Variants in TMPRSS11B observed in about 807,000 individuals in gnomAD.
TMPRSS11B encodes transmembrane protease serine 11B.
TMPRSS11B carries 53 observed loss-of-function variants against 44.7 expected under a neutral mutation model. The ratio of observed to expected loss-of-function variants is 1.19; its 90% CI spans 0.95 to 1.49. TMPRSS11B has a LOEUF of 1.49. Among genes scored for constraint, TMPRSS11B ranks in the 40% most tolerant of loss-of-function variants. The probability of loss-of-function intolerance (pLI) is 0.00; values close to 1 mark genes in which losing one functional copy is unlikely to be tolerated. For missense variants in TMPRSS11B, 526 were observed against 494.8 expected (o/e 1.06, Z -0.60); for synonymous variants, 140 against 159.2 (o/e 0.88, Z 0.91).
chr4:68,245,491 T>G, intron 1 of TMPRSS11B, 60 bp downstream of exon 1: 2 of 1,572,536 alleles, frequency 1.3e-6, no homozygotes, highest in Admixed American at 3.3e-5. Flanking sequence ...AACTAGAACA[T>G]ACTTAATGGC....
At chr4:68,239,247 C>T (rs1560444235) in intron 2 of TMPRSS11B, among the ~76,000 whole-genome samples, 2 of 151,800 alleles carry the variant, frequency 1.3e-5, no homozygotes, top group African/African-American at 4.9e-5. Context: ...CCAGATCTCT[C>T]TTGCGCGCTC....
In TMPRSS11B at chr4:68,227,791, T is replaced by C; in HGVS notation, c.*120A>G. 1.9e-6 allele frequency: 1 copy of C among 529,730 alleles called. No individual in the cohort carries two copies. The allele number at this position is 529,730 out of a possible 1,614,324, so 32.8% of individuals were successfully genotyped here. A position where few individuals can be genotyped will look rare whatever the true frequency, so the allele number is the denominator to read the frequency against. ...ATAATAAAATATTAATAAAGACATT[T>C]ATATTTTTATATATAATAAAATGAT... On this transcript the variant is annotated 3_prime_UTR_variant, in exon 10 of 10. Coordinates refer to ENST00000332644, the MANE Select transcript of TMPRSS11B (RefSeq NM_182502.3).
At chr4:68,245,342 G>T (rs1038284973) in intron 1 of TMPRSS11B, among the ~76,000 whole-genome samples, 1 of 152,006 alleles carries the variant, frequency 6.6e-6, no homozygotes, top group African/African-American at 2.4e-5. Context: ...GCAAAATTTT[G>T]CTGAATTATT....
At position 68,232,714 on chromosome 4, in the gene TMPRSS11B, GT is replaced by G. The variant is rs199750546; in HGVS notation, c.470-299del. ...TAAGAAGCTGGCACCCTTACAAATT[GT>G]TTTTTTATTATACTTTAAGTTTCAG... is the stretch of plus-strand genomic sequence containing the variant. On this transcript the variant is annotated intron_variant, in intron 5 of 9. Transcript: ENST00000332644. Among the ~76,000 whole-genome samples the G allele has an allele frequency of 8.3e-3, 1,256 of 152,046 alleles. 13 individuals carry two copies. Among genetic ancestry groups the G allele is most frequent in the African/African-American group, 0.027 (1,110 of 41,386 alleles).
chr4:68,242,830 G>C (rs935701530), intron 1 of TMPRSS11B, among the ~76,000 whole-genome samples: 5 of 152,076 alleles, frequency 3.3e-5, no homozygotes, highest in African/African-American at 1.2e-4. Context: ...GCCTCCCAAA[G>C]TGTTGGGATT....
At chr4:68,232,509 C>T in intron 5 of TMPRSS11B, 93 bp from the exon 6 acceptor site, 1 of 1,172,298 alleles carries the variant, frequency 8.5e-7, no homozygotes, top group Admixed American at 1.9e-5. Context: ...ACTTTCCTAA[C>T]CCAATATTGT....
intron 2 of TMPRSS11B, among the ~76,000 whole-genome samples, chr4:68,237,819 C>T (rs1423394444): frequency 6.6e-6 from 1 of 152,050 alleles, no homozygotes; most frequent in Non-Finnish European, 1.5e-5. Flanking sequence ...GGTTCAAGAC[C>T]AGCCTGGACA....
At chr4:68,241,627 T>C in intron 2 of TMPRSS11B, 62 bp downstream of exon 2, 1 of 1,048,286 alleles carries the variant, frequency 9.5e-7, no homozygotes. Flanking sequence ...GTTGTTTTTT[T>C]TCAATTTTTA....
chr4:68,239,237 C>G (rs1719754570), intron 2 of TMPRSS11B, among the ~76,000 whole-genome samples: 1 of 152,120 alleles, frequency 6.6e-6, no homozygotes, highest in Non-Finnish European at 1.5e-5. Context: ...GAAAGAGAGA[C>G]CAGATCTCTC....
Position 68,227,999 on chromosome 4 carries a change from C to T in TMPRSS11B, c.1163G>A (p.Gly388Asp), listed in dbSNP as rs1719402226. The stretch of plus-strand genomic sequence containing the variant: ...CTTATTCTTTTTACCACATCCATCA[C>T]CCCAGCTTACTATTCCAACAAGATG... ...IWHLVGIVSW[G>D]DGCGKKNKPG... The change falls in exon 10 of 10, where the codon GGT (glycine) becomes GAT (aspartate). Residue 388 changes from glycine to aspartate, a missense_variant. Physicochemically the swap from Gly to Asp is moderately conservative, Grantham distance 94 (BLOSUM62 -1). Coordinates refer to ENST00000332644, the MANE Select transcript of TMPRSS11B (RefSeq NM_182502.3). The T allele has an allele frequency of 6.2e-7, 1 of 1,613,854 alleles. No individual in the cohort carries two copies. Among genetic ancestry groups the T allele is most frequent in the African/African-American group, 1.3e-5 (1 of 75,004 alleles).
chr4:68,239,249 TGCGCGCTCTCTCTCGCGC>T lies in TMPRSS11B; in HGVS notation c.124+2422_124+2439del, dbSNP rs574794965. On this transcript the variant is annotated intron_variant, in intron 2 of 9. Coordinates refer to ENST00000332644, the MANE Select transcript of TMPRSS11B (RefSeq NM_182502.3). ...AGAGAAAGAGAGACCAGATCTCTCT[TGCGCGCTCTCTCTCGCGC>T]GCGCGCTCTCTCTCTCGCACTCTAT... 6.4e-3 allele frequency among the ~76,000 whole-genome samples: 970 copies of T among 151,136 alleles called. 4 individuals are homozygous for T. Among genetic ancestry groups the T allele is most frequent in the Middle Eastern group, 0.01 (3 of 292 alleles).
At chr4:68,229,548 A>C (rs769074937) in intron 7 of TMPRSS11B, 32 bp from the exon 8 acceptor site, 7 of 1,587,986 alleles carry the variant, frequency 4.4e-6, no homozygotes, top group Non-Finnish European at 1.7e-6. Flanking sequence ...GAATACACTC[A>C]GTTGCTGGGT....
chr4:68,231,106 G>T, intron 7 of TMPRSS11B, 97 bp downstream of exon 7: 2 of 1,031,700 alleles, frequency 1.9e-6, no homozygotes, highest in Non-Finnish European at 2.6e-6. Context: ...ATTTCATATG[G>T]CCTTGGTGAA....
At chr4:68,243,448 CTT>C (rs1012935850) in intron 1 of TMPRSS11B, among the ~76,000 whole-genome samples, 4 of 152,240 alleles carry the variant, frequency 2.6e-5, no homozygotes, top group South Asian at 4.2e-4. Flanking sequence ...CCTTATACCT[CTT>C]TGTCTCTTTT....
chr4:68,234,624 C>G lies in TMPRSS11B; in HGVS notation c.309-1G>C. The G allele has an allele frequency of 6.2e-7, 1 of 1,612,536 alleles. No individual in the cohort carries two copies. Among genetic ancestry groups the G allele is most frequent in the Non-Finnish European group, 8.5e-7 (1 of 1,179,660 alleles). ...CACATTTGAACCATTGGCATTAGGCCTAGAAACAACAGAAATTTTCTAATG... is the reference window on the plus strand; with the variant it reads ...CACATTTGAACCATTGGCATTAGGCGTAGAAACAACAGAAATTTTCTAATG... On this transcript the variant is annotated splice_acceptor_variant, in intron 4 of 9. Transcript: ENST00000332644. LOFTEE classifies it high-confidence loss of function.
chr4:68,241,625 T>C, intron 2 of TMPRSS11B, 64 bp downstream of exon 2: 1 of 1,012,652 alleles, frequency 9.9e-7, no homozygotes, highest in Non-Finnish European at 1.5e-6. Context: ...ATGTTGTTTT[T>C]TTTCAATTTT....
In TMPRSS11B at chr4:68,232,422, A is replaced by G. The variant is rs1236022638; in HGVS notation, c.470-6T>C. Reference sequence around the variant, plus strand: ...AGAAGCAGCCTTGCTGATTTCTGAAAGTGAAAAACAAAACAAAATATAAAA... The same window carrying G: ...AGAAGCAGCCTTGCTGATTTCTGAAGGTGAAAAACAAAACAAAATATAAAA... On this transcript the variant is annotated splice_polypyrimidine_tract_variant and splice_region_variant and intron_variant, in intron 5 of 9. Transcript: ENST00000332644. 10 of 1,611,172 alleles carry G rather than the reference A, an allele frequency of 6.2e-6. No individual in the cohort carries two copies. Among genetic ancestry groups the G allele is most frequent in the Admixed American group, 1.7e-5 (1 of 59,594 alleles).
rs142888391 is a variant in TMPRSS11B, at chr4:68,242,143, T to C, written c.9-339A>G. Among the ~76,000 whole-genome samples the C allele has an allele frequency of 7.3e-4, 98 of 134,536 alleles. 1 individual carries two copies. Among genetic ancestry groups the C allele is most frequent in the African/African-American group, 2.7e-3 (96 of 35,674 alleles). The allele number at this position is 134,536 out of a possible 152,430, so 88.3% of individuals were successfully genotyped here. On this transcript the variant is annotated intron_variant, in intron 1 of 9. Transcript: ENST00000332644. ...AGTCTGATTGTATTTTTGTAAACTA[T>C]AGCCATATCATGCACAGGGACATAT...
chr4:68,242,559 T>TTTTC (rs1224422887), intron 1 of TMPRSS11B, among the ~76,000 whole-genome samples: 3 of 147,668 alleles, frequency 2.0e-5, no homozygotes, highest in East Asian at 2.0e-4. Flanking sequence ...TTTTTTTTAA[T>TTTTC]TTTCTTTCTT....
Sources: allele counts gnomAD v4.1 joint callset (sites outside exome capture counted in the v4.1 genomes callset), GRCh38; gene constraint gnomAD v4.1.1; transcripts MANE v1.5; gene names NCBI Gene and HGNC (gene_info 2026-07-23, HGNC 2026-07-21).